SEMA3A: variants seen among roughly 807,000 people sequenced by gnomAD.
The protein encoded by SEMA3A is semaphorin-3A.
In SEMA3A, 29 loss-of-function variants were observed where a neutral mutation model predicts 97.9. The ratio of observed to expected loss-of-function variants is 0.30; its 90% CI spans 0.22 to 0.40. The LOEUF (loss-of-function observed/expected upper bound fraction) is 0.40, where lower values mean the gene tolerates loss of function less well. Ranked by LOEUF, SEMA3A falls within the 10% of genes least tolerant of loss-of-function variation. SEMA3A has a pLI of 1.00. For missense variants in SEMA3A, 763 were observed against 951.3 expected, an observed-to-expected ratio of 0.80 and a Z score of 2.60; for synonymous variants, 321 against 323.7, an observed-to-expected ratio of 0.99 and a Z score of 0.09.
intron 6 of SEMA3A, among the ~76,000 whole-genome samples, chr7:84,023,341 A>G (rs897205465): frequency 6.6e-6 from 1 of 152,144 alleles, no homozygotes. Flanking sequence ...CCTTCCACCA[A>G]CAAGCCCCCC....
chr7:84,104,622 TA>T (rs1437995602), intron 4 of SEMA3A, among the ~76,000 whole-genome samples: 2 of 152,212 alleles, frequency 1.3e-5, no homozygotes, highest in Non-Finnish European at 2.9e-5. Context: ...TTTTGGTATC[TA>T]TTTTTTTAGC....
At chr7:83,988,710 T>C (rs543852646) in intron 12 of SEMA3A, among the ~76,000 whole-genome samples, 29 of 152,182 alleles carry the variant, frequency 1.9e-4, no homozygotes, top group Non-Finnish European at 3.8e-4. Context: ...AGTTATTAAA[T>C]ATAATAATTT....
At chr7:84,292,958 T>C (rs768201414) in intron 3 of SEMA3A, among the ~76,000 whole-genome samples, 1 of 152,010 alleles carries the variant, frequency 6.6e-6, no homozygotes, top group Non-Finnish European at 1.5e-5. Context: ...AATGTATGTA[T>C]AAGAAACTAA....
At chr7:84,187,755 CA>C (rs1280195590) in intron 1 of SEMA3A, among the ~76,000 whole-genome samples, 2 of 151,998 alleles carry the variant, frequency 1.3e-5, no homozygotes, top group Non-Finnish European at 2.9e-5. Flanking sequence ...GTTTTATTAA[CA>C]GGCATATTAT....
intron 6 of SEMA3A, among the ~76,000 whole-genome samples, chr7:84,039,908 A>C (rs900629341): frequency 1.3e-5 from 2 of 152,054 alleles, no homozygotes; most frequent in African/African-American, 4.8e-5. Flanking sequence ...AAATATGAGA[A>C]AATATATTCT....
chr7:84,038,403 T>A (rs903134617), intron 6 of SEMA3A, among the ~76,000 whole-genome samples: 7 of 152,162 alleles, frequency 4.6e-5, no homozygotes, highest in Non-Finnish European at 1.0e-4. Flanking sequence ...TAAGACAACA[T>A]CAATTGAATT....
chr7:84,094,466 G>T (rs1394122363), intron 4 of SEMA3A, among the ~76,000 whole-genome samples: 1 of 151,772 alleles, frequency 6.6e-6, no homozygotes, highest in Non-Finnish European at 1.5e-5. Context: ...CAAGGTTAAG[G>T]CTCCGCTGGC....
At chr7:84,277,052 C>A (rs2115726681) in intron 3 of SEMA3A, among the ~76,000 whole-genome samples, 1 of 152,176 alleles carries the variant, frequency 6.6e-6, no homozygotes, top group African/African-American at 2.4e-5. Flanking sequence ...CAAGTAGTTT[C>A]ATTTCCCTCT....
chr7:84,300,048 AAAAG>A (rs1562892447), intron 3 of SEMA3A, among the ~76,000 whole-genome samples: 1 of 148,636 alleles, frequency 6.7e-6, no homozygotes, highest in African/African-American at 2.5e-5. Flanking sequence ...AAAAAAAAAA[AAAAG>A]AAAGAAAAAG....
At chr7:84,212,027 A>AAATATGGAAGACGAATATTCGGG (rs1554346581) in intron 3 of SEMA3A, among the ~76,000 whole-genome samples, 2 of 152,220 alleles carry the variant, frequency 1.3e-5, no homozygotes, top group Non-Finnish European at 2.9e-5. Flanking sequence ...ACAGTCAGCC[A>AAATATGGAAGACGAATATTCGGG]AATATGGAAG....
intron 10 of SEMA3A, among the ~76,000 whole-genome samples, chr7:84,006,903 A>G (rs535564508): frequency 1.2e-3 from 185 of 152,256 alleles, no homozygotes; most frequent in African/African-American, 4.3e-3. Flanking sequence ...ATACAACAAT[A>G]TAACAGTTAA....
chr7:84,372,900 AT>A (rs1472899370), intron 1 of SEMA3A, among the ~76,000 whole-genome samples: 1 of 152,054 alleles, frequency 6.6e-6, no homozygotes, highest in East Asian at 1.9e-4. Context: ...GGAACAGCAT[AT>A]TTCCCCACTC....
chr7:84,033,518 G>T (rs1156245954), intron 6 of SEMA3A, among the ~76,000 whole-genome samples: 1 of 152,084 alleles, frequency 6.6e-6, no homozygotes, highest in African/African-American at 2.4e-5. Context: ...GATGGACAAA[G>T]AATTTAGCCC....
In SEMA3A at chr7:84,162,036, G is replaced by T. The variant is rs560002034; in HGVS notation, c.113-27085C>A. ...CAATATTTAACATATGGTCTTATTG[G>T]ATTTACTAAAAATAAAATGTTTATA... is the stretch of plus-strand genomic sequence containing the variant. On this transcript the variant is annotated intron_variant, in intron 1 of 16. Transcript: ENST00000265362. Among the ~76,000 whole-genome samples, 3 of 152,064 alleles carry T rather than the reference G, an allele frequency of 2.0e-5. No homozygotes were observed. The East Asian group carries it at 5.8e-4, about 29-fold the overall frequency.
In SEMA3A at chr7:84,429,547, T is replaced by G. The variant is rs201658241; in HGVS notation, c.-245-57647A>C. 6.8e-4 allele frequency among the ~76,000 whole-genome samples: 79 copies of G among 115,914 alleles called. 3 individuals carry two copies. The highest frequency in any genetic ancestry group is 2.3e-3 in the African/African-American group (71 of 31,372). 76.0% of individuals were successfully genotyped at this position (115,914 alleles called of 152,430 possible). A position where few individuals can be genotyped will look rare whatever the true frequency, so the allele number is the denominator to read the frequency against. On this transcript the variant is annotated intron_variant, in intron 1 of 3. Coordinates refer to the SEMA3A transcript ENST00000424555. ...ATATATATATATATATATATATATA[T>G]AGCGAGAGAGAGAGAGAGAGAGAGA...
chr7:84,458,234 A>C (rs1442389085), intron 1 of SEMA3A, among the ~76,000 whole-genome samples: 1 of 152,144 alleles, frequency 6.6e-6, no homozygotes, highest in East Asian at 1.9e-4. Flanking sequence ...ATATCAAGGG[A>C]GTGAGTTTCC....
chr7:83,975,502 T>C (rs924181609), intron 15 of SEMA3A, among the ~76,000 whole-genome samples: 2 of 152,138 alleles, frequency 1.3e-5, no homozygotes, highest in Admixed American at 6.5e-5. Context: ...AGTTCAAATC[T>C]CTACTGAAAA....
In SEMA3A at chr7:84,194,759, A is replaced by T. The variant is rs907871600; in HGVS notation, c.-173T>A. 2.4e-6 allele frequency: 1 copy of T among 416,608 alleles called. No individual in the cohort carries two copies. The highest frequency in any genetic ancestry group is 4.2e-6 in the Non-Finnish European group (1 of 235,342). 25.8% of individuals were successfully genotyped at this position (416,608 alleles called of 1,614,324 possible). A position where few individuals can be genotyped will look rare whatever the true frequency, so the allele number is the denominator to read the frequency against. ...ACACTAACACCTCTTCTTCTGTAAC[A>T]GTCACTGAAGCACAGAAACTTCAAA... On this transcript the variant is annotated 5_prime_UTR_variant, in exon 1 of 17. Coordinates refer to ENST00000265362, the MANE Select transcript of SEMA3A (RefSeq NM_006080.3).
chr7:84,052,868 C>T (rs1458551887), intron 5 of SEMA3A, among the ~76,000 whole-genome samples: 2 of 151,586 alleles, frequency 1.3e-5, no homozygotes, highest in Non-Finnish European at 2.9e-5. Flanking sequence ...AAATTTCCCT[C>T]TACACATCAC....
Sources: allele counts gnomAD v4.1 joint callset (sites outside exome capture counted in the v4.1 genomes callset), GRCh38; gene constraint gnomAD v4.1.1; transcripts MANE v1.5; gene names NCBI Gene and HGNC (gene_info 2026-07-23, HGNC 2026-07-21).